TMEM181: variants seen among roughly 807,000 people sequenced by gnomAD.
TMEM181 encodes transmembrane protein 181.
TMEM181 carries 39 observed loss-of-function variants against 71.9 expected under a neutral mutation model. The ratio of observed to expected loss-of-function variants is 0.54; its 90% CI spans 0.42 to 0.71. TMEM181 has a LOEUF of 0.71. Ranked by LOEUF, TMEM181 falls within the 30% of genes least tolerant of loss-of-function variation. The probability of loss-of-function intolerance (pLI) is 0.00; values close to 1 mark genes in which losing one functional copy is unlikely to be tolerated. For synonymous variants in TMEM181, 245 were observed against 228.8 expected, an observed-to-expected ratio of 1.07 and a Z score of -0.64; for missense variants, 595 against 583.0, an observed-to-expected ratio of 1.02 and a Z score of -0.21.
At chr6:158,567,765 T>C (rs567712871) in intron 1 of TMEM181, among the ~76,000 whole-genome samples, 182 of 152,336 alleles carry the variant, frequency 1.2e-3, no homozygotes, top group African/African-American at 4.2e-3. Flanking sequence ...GGAACCTTCC[T>C]GAGTCTGAGC....
chr6:158,590,954 A>G (rs188046290), intron 6 of TMEM181, among the ~76,000 whole-genome samples: 126 of 152,312 alleles, frequency 8.3e-4, no homozygotes, highest in Middle Eastern at 3.4e-3. Context: ...GAGTCACACA[A>G]CGTGTGGTCT....
chr6:158,575,013 C>G (rs1358569526), intron 2 of TMEM181, among the ~76,000 whole-genome samples: 2 of 152,214 alleles, frequency 1.3e-5, no homozygotes, highest in African/African-American at 4.8e-5. Flanking sequence ...CCCCCTTACT[C>G]AGCCAATTTG....
chr6:158,630,925 A>G (rs911769828), intron 15 of TMEM181, among the ~76,000 whole-genome samples: 11 of 152,184 alleles, frequency 7.2e-5, no homozygotes, highest in Admixed American at 7.2e-4. Flanking sequence ...TAAACATATA[A>G]TCATGCCCGT....
At chr6:158,595,831 CTG>C (rs1784359961) in intron 6 of TMEM181, among the ~76,000 whole-genome samples, 1 of 152,108 alleles carries the variant, frequency 6.6e-6, no homozygotes, top group South Asian at 2.1e-4. Flanking sequence ...TGGTGATGTT[CTG>C]TGTCTTGGTC....
chr6:158,589,535 T>C (rs2128305012), intron 5 of TMEM181, 137 bp from the exon 6 acceptor site: 1 of 641,388 alleles, frequency 1.6e-6, no homozygotes, highest in Middle Eastern at 3.5e-4. Flanking sequence ...GCATCTGACT[T>C]TCTCTGGGCT....
rs2128301084 is a variant in TMEM181 at position 158,583,839 on chromosome 6, A to G, written c.169-115A>G. 3 of 669,724 alleles carry G rather than the reference A, an allele frequency of 4.5e-6. No individual in the cohort carries two copies. In the Admixed American group the frequency reaches 9.8e-5, roughly 22 times the overall value. The allele number at this position is 669,724 out of a possible 1,614,324, so 41.5% of individuals were successfully genotyped here. A position where few individuals can be genotyped will look rare whatever the true frequency, so the allele number is the denominator to read the frequency against. On this transcript the variant is annotated intron_variant, in intron 3 of 16. Transcript: ENST00000684151. ...GGAAAACCTCACATATTTCTGTTTC[A>G]AAGCTAACACTGAAGCCTTTATTGC...
intron 1 of TMEM181, 36 bp from the exon 2 acceptor site, chr6:158,573,384 C>T: frequency 1.3e-6 from 2 of 1,533,934 alleles, no homozygotes; most frequent in Non-Finnish European, 1.8e-6. Flanking sequence ...CCGGGCCTTC[C>T]CCTGACCGTC....
intron 6 of TMEM181, among the ~76,000 whole-genome samples, chr6:158,597,627 A>C (rs1357025876): frequency 6.6e-6 from 1 of 152,074 alleles, no homozygotes; most frequent in Non-Finnish European, 1.5e-5. Context: ...CAGTCTCCTG[A>C]GTAGCTGGAA....
At chr6:158,625,232 C>T (rs778698509) in intron 12 of TMEM181, 26 bp downstream of exon 12, 6 of 1,602,644 alleles carry the variant, frequency 3.7e-6, no homozygotes, top group South Asian at 2.2e-5. Flanking sequence ...AGAATCGGTG[C>T]AGGGGTGGCT....
intron 10 of TMEM181, among the ~76,000 whole-genome samples, chr6:158,617,157 C>T (rs1220787823): frequency 6.6e-6 from 1 of 152,188 alleles, no homozygotes; most frequent in Non-Finnish European, 1.5e-5. Context: ...GCCTCAATTT[C>T]AGAGCCTGTT....
chr6:158,544,893 A>G (rs932982704), intron 1 of TMEM181, among the ~76,000 whole-genome samples: 21 of 152,246 alleles, frequency 1.4e-4, no homozygotes, highest in Non-Finnish European at 2.9e-4. Flanking sequence ...TAAAAAAATT[A>G]AATTACCCTA....
chr6:158,573,972 G>A (rs775108573), intron 2 of TMEM181, among the ~76,000 whole-genome samples: 2 of 152,092 alleles, frequency 1.3e-5, no homozygotes, highest in Non-Finnish European at 2.9e-5. Flanking sequence ...GGAGCAGTGG[G>A]ATCATCTAGG....
chr6:158,591,848 C>T (rs1443281090), intron 6 of TMEM181, among the ~76,000 whole-genome samples: 1 of 152,048 alleles, frequency 6.6e-6, no homozygotes, highest in African/African-American at 2.4e-5. Context: ...TTTGTCCTTC[C>T]ATCTTTTGTA....
intron 1 of TMEM181, among the ~76,000 whole-genome samples, chr6:158,541,285 C>T (rs907372910): frequency 1.3e-5 from 2 of 151,918 alleles, no homozygotes; most frequent in Admixed American, 1.3e-4. Flanking sequence ...GGCGTGATGG[C>T]GGGCGCCTGT....
chr6:158,618,352 T>C (rs573888970), intron 10 of TMEM181, among the ~76,000 whole-genome samples: 2 of 152,338 alleles, frequency 1.3e-5, no homozygotes, highest in Admixed American at 6.5e-5. Flanking sequence ...TTGGTAGATA[T>C]TCATCCATCC....
Position 158,573,438 on chromosome 6 carries a change from C to T in TMEM181, c.27C>T (p.Leu9=). 1 of 1,590,868 alleles carries T rather than the reference C, an allele frequency of 6.3e-7. No individual in the cohort carries two copies. Among genetic ancestry groups the T allele is most frequent in the Non-Finnish European group, 8.5e-7 (1 of 1,169,622 alleles). MEPLAPMR[L]YTLSKRHFVL... ...CCCCCAGGCTGGCGCCCATGCGGCT[C>T]TACACGCTCTCCAAGCGCCACTTTG... is the stretch of plus-strand genomic sequence containing the variant. The change falls in exon 2 of 17, where the codon CTC becomes CTT. Residue 9 remains leucine (L), a synonymous_variant. Coordinates refer to ENST00000684151, the MANE Select transcript of TMEM181 (RefSeq NM_001376852.1).
chr6:158,625,216 C>T lies in TMEM181; in HGVS notation c.1057+10C>T, dbSNP rs1464396170. 6.2e-6 allele frequency: 10 copies of T among 1,612,510 alleles called. No individual in the cohort carries two copies. Among genetic ancestry groups the T allele is most frequent in the African/African-American group, 1.3e-5 (1 of 74,870 alleles). ...CACATGCCTTATGTGGGTAAGTGCTCCTTTCAGAATCGGTGCAGGGGTGGC... is the reference window on the plus strand; with the variant it reads ...CACATGCCTTATGTGGGTAAGTGCTTCTTTCAGAATCGGTGCAGGGGTGGC... On this transcript the variant is annotated intron_variant, in intron 12 of 16. Coordinates refer to ENST00000684151, the MANE Select transcript of TMEM181 (RefSeq NM_001376852.1).
At position 158,625,320 on chromosome 6, in the gene TMEM181, T is replaced by C; in HGVS notation, c.1057+114T>C. 6.7e-6 allele frequency: 6 copies of C among 898,468 alleles called. No homozygotes were observed. In the South Asian group the frequency reaches 8.6e-5, roughly 13 times the overall value. The allele number at this position is 898,468 out of a possible 1,614,324, so 55.7% of individuals were successfully genotyped here. ...CCTTCCTTGAGGGCCCAGGGACTGG[T>C]CCATTCCCACAGGCTGGGGACCAGG... is the stretch of plus-strand genomic sequence containing the variant. On this transcript the variant is annotated intron_variant, in intron 12 of 16. Coordinates refer to ENST00000684151, the MANE Select transcript of TMEM181 (RefSeq NM_001376852.1).
At chr6:158,561,962 T>C (rs1782205365) in intron 1 of TMEM181, among the ~76,000 whole-genome samples, 2 of 152,138 alleles carry the variant, frequency 1.3e-5, no homozygotes, top group East Asian at 3.9e-4. Context: ...CTTAGGTGAC[T>C]GAGTGTTCTC....
Sources: gnomAD v4.1 joint callset for allele counts (sites outside exome capture counted in the v4.1 genomes callset) on GRCh38, gnomAD v4.1.1 for gene constraint, MANE v1.5 for transcripts, NCBI Gene and HGNC (gene_info 2026-07-23, HGNC 2026-07-21) for gene names.